Variants in RHOU observed in about 807,000 individuals in gnomAD.
RHOU encodes ras homolog family member U.
A neutral mutation model predicts 12.6 loss-of-function variants in RHOU; 8 were observed. The observed-to-expected ratio is 0.64, with a 90% CI of 0.37 to 1.15. The LOEUF (loss-of-function observed/expected upper bound fraction) is 1.15, where lower values mean the gene tolerates loss of function less well. Among genes scored for constraint, RHOU ranks in the 50% most tolerant of loss-of-function variants. RHOU has a pLI of 0.01. For missense variants in RHOU, 258 were observed against 347.0 expected, an observed-to-expected ratio of 0.74 and a Z score of 2.04; for synonymous variants, 161 against 147.4, an observed-to-expected ratio of 1.09 and a Z score of -0.67.
Position 228,745,582 on chromosome 1 carries a change from GATTATTCA to G in RHOU, c.*1844_*1851del, listed in dbSNP as rs1662815125. The G allele has an allele frequency of 2.6e-5, 4 of 152,302 alleles. No individual in the cohort carries two copies. In the East Asian group the frequency reaches 7.7e-4, roughly 29 times the overall value. The allele number at this position is 152,302 out of a possible 1,614,324, so 9.4% of individuals were successfully genotyped here. Reference sequence around the variant, plus strand: ...AACCACTAAAATACATAGACTGATTGATTATTCAACACATTGGAATTGATGTCGGTCAT... The same window carrying G: ...AACCACTAAAATACATAGACTGATTGACACATTGGAATTGATGTCGGTCAT... On this transcript the variant is annotated 3_prime_UTR_variant, in exon 3 of 3. Coordinates refer to ENST00000366691, the MANE Select transcript of RHOU (RefSeq NM_021205.6).
chr1:228,668,845 C>G, the RHOU span, among the ~76,000 whole-genome samples: 1 of 152,196 alleles, frequency 6.6e-6, no homozygotes, highest in Non-Finnish European at 1.5e-5. Context: ...GACTAGCTGC[C>G]TGTTCTGGCA....
the RHOU span, among the ~76,000 whole-genome samples, chr1:228,712,751 G>A: frequency 6.6e-6 from 1 of 150,620 alleles, no homozygotes; most frequent in Non-Finnish European, 1.5e-5. Context: ...CATGGCACAT[G>A]CATACATATG....
the RHOU span, among the ~76,000 whole-genome samples, chr1:228,682,963 C>T: frequency 6.6e-6 from 1 of 152,210 alleles, no homozygotes; most frequent in East Asian, 1.9e-4. Context: ...TGACTTTTCT[C>T]AAAGGCAAAA....
At chr1:228,668,021 A>T in the RHOU span, among the ~76,000 whole-genome samples, 1 of 152,136 alleles carries the variant, frequency 6.6e-6, no homozygotes, top group African/African-American at 2.4e-5. Flanking sequence ...TAGCTTTAGG[A>T]TGGGACCTGG....
intron 2 of RHOU, among the ~76,000 whole-genome samples, chr1:228,742,455 G>A (rs1662742864): frequency 6.6e-6 from 1 of 152,160 alleles, no homozygotes; most frequent in Non-Finnish European, 1.5e-5. Flanking sequence ...ATACTTTAAG[G>A]GTAGGGTGGG....
the RHOU span, among the ~76,000 whole-genome samples, chr1:228,690,324 G>GC: frequency 2.1e-5 from 3 of 145,082 alleles, no homozygotes; most frequent in Admixed American, 6.9e-5. Context: ...TAGTTTGTTT[G>GC]TTTTTTTTTT....
At chr1:228,660,926 T>A in the RHOU span, among the ~76,000 whole-genome samples, 9 of 111,878 alleles carry the variant, frequency 8.0e-5, no homozygotes, top group Non-Finnish European at 1.6e-4. Flanking sequence ...AGAGCGAAAC[T>A]CTGTCTCAAA....
the RHOU span, chr1:228,647,968 A>C: frequency 6.6e-6 from 1 of 152,340 alleles, no homozygotes; most frequent in East Asian, 1.9e-4. Context: ...GGTCTGGCCC[A>C]GACCCTGCTT....
At chr1:228,714,635 T>C in the RHOU span, among the ~76,000 whole-genome samples, 1 of 152,154 alleles carries the variant, frequency 6.6e-6, no homozygotes, top group Non-Finnish European at 1.5e-5. Context: ...ATTTATTTTC[T>C]CTTGTTTCAA....
chr1:228,652,053 C>T, the RHOU span, among the ~76,000 whole-genome samples: 1 of 152,220 alleles, frequency 6.6e-6, no homozygotes, highest in Admixed American at 6.5e-5. Context: ...TACAAATCTA[C>T]ACTTGAATAA....
chr1:228,652,259 G>A, the RHOU span, among the ~76,000 whole-genome samples: 1 of 152,188 alleles, frequency 6.6e-6, no homozygotes, highest in African/African-American at 2.4e-5. Context: ...TCAGCTTCCT[G>A]TCCTTCTATG....
rs961720971 is a variant in RHOU, at chr1:228,744,282, A to G, written c.*542A>G. ...ACCTCTGCCTACAAAACCTCAAACC[A>G]GTCACTTTTGTCAATTGCTAATACC... On this transcript the variant is annotated 3_prime_UTR_variant, in exon 3 of 3. Coordinates refer to ENST00000366691, the MANE Select transcript of RHOU (RefSeq NM_021205.6). 1.3e-5 allele frequency: 2 copies of G among 152,462 alleles called. No individual in the cohort carries two copies. The highest frequency in any genetic ancestry group is 6.5e-5 in the Admixed American group (1 of 15,302). The allele number at this position is 152,462 out of a possible 1,614,324, so 9.4% of individuals were successfully genotyped here.
At chr1:228,687,906 T>TC in the RHOU span, 1 of 774,014 alleles carries the variant, frequency 1.3e-6, no homozygotes. Context: ...CATATTGTTC[T>TC]CCCCCTCTCC....
the RHOU span, among the ~76,000 whole-genome samples, chr1:228,706,656 G>T: frequency 6.6e-6 from 1 of 152,048 alleles, no homozygotes; most frequent in Non-Finnish European, 1.5e-5. Flanking sequence ...ATTATTTTAC[G>T]TGTTTTTTGG....
intron 2 of RHOU, among the ~76,000 whole-genome samples, chr1:228,741,159 C>T (rs1662714920): frequency 6.6e-6 from 1 of 152,106 alleles, no homozygotes; most frequent in Non-Finnish European, 1.5e-5. Context: ...CTCTCTGCCC[C>T]GCCAACCCTG....
chr1:228,653,389 G>A, the RHOU span, among the ~76,000 whole-genome samples: 2 of 151,994 alleles, frequency 1.3e-5, no homozygotes, highest in East Asian at 1.9e-4. Flanking sequence ...GTGCCATCTC[G>A]GCTCACTGCA....
At chr1:228,735,406 CT>C (rs1434963868), upstream of RHOU, 1 of 169,440 alleles carries the variant, frequency 5.9e-6, no homozygotes, top group African/African-American at 2.4e-5. This position sits in a 1 kb window ranked among gnomAD's most constrained non-coding sequence, Gnocchi z 8.1. Flanking sequence ...AGACCCGCCT[CT>C]TTTCCCTCCC....
the RHOU span, chr1:228,687,931 C>T: frequency 4.2e-6 from 3 of 709,358 alleles, no homozygotes; most frequent in Non-Finnish European, 7.6e-6. Context: ...TCTGCTCCAT[C>T]TCCCTCCCTC....
At chr1:228,687,189 C>T in the RHOU span, among the ~76,000 whole-genome samples, 11 of 152,170 alleles carry the variant, frequency 7.2e-5, no homozygotes, top group Non-Finnish European at 1.2e-4. Context: ...CTCCACTGAC[C>T]GGCACTGCCT....
Sources: gnomAD v4.1 joint callset for allele counts (sites outside exome capture counted in the v4.1 genomes callset) on GRCh38, gnomAD v4.1.1 for gene constraint, Gnocchi (gnomAD v3.1) non-coding constraint, MANE v1.5 for transcripts, NCBI Gene and HGNC (gene_info 2026-07-23, HGNC 2026-07-21) for gene names.